Variants in SUGCT observed in about 807,000 individuals in gnomAD.
SUGCT encodes the protein succinyl-CoA:glutarate CoA-transferase.
A neutral mutation model predicts 55.0 loss-of-function variants in SUGCT; 41 were observed. The ratio of observed to expected loss-of-function variants is 0.74; its 90% CI spans 0.58 to 0.97. The LOEUF is 0.97. Among genes scored for constraint, SUGCT ranks in the 50% least tolerant of loss-of-function variants. The pLI is 0.00. For missense variants in SUGCT, 568 were observed against 547.8 expected, an observed-to-expected ratio of 1.04 and a Z score of -0.37; for synonymous variants, 187 against 200.4, an observed-to-expected ratio of 0.93 and a Z score of 0.56.
the SUGCT span, among the ~76,000 whole-genome samples, chr7:40,950,689 G>A: frequency 1.1e-4 from 16 of 152,224 alleles, no homozygotes; most frequent in African/African-American, 3.9e-4. Flanking sequence ...TTCGTCAAAG[G>A]CCTTTTCTGT....
At chr7:40,363,242 G>T (rs1194829534) in intron 9 of SUGCT, among the ~76,000 whole-genome samples, 1 of 151,218 alleles carries the variant, frequency 6.6e-6, no homozygotes, top group Non-Finnish European at 1.5e-5. Flanking sequence ...TATCAATTTT[G>T]TTGATCCTTT....
intron 1 of SUGCT, among the ~76,000 whole-genome samples, chr7:40,173,913 C>CTGTGTG (rs34789334): frequency 1.8e-3 from 255 of 144,008 alleles, no homozygotes; most frequent in African/African-American, 3.0e-3. Context: ...AATGTATATC[C>CTGTGTG]TGTGTGTGTG....
At chr7:40,868,771 T>G in the SUGCT span, among the ~76,000 whole-genome samples, 1 of 152,176 alleles carries the variant, frequency 6.6e-6, no homozygotes, top group African/African-American at 2.4e-5. Flanking sequence ...AGTCTCAAAA[T>G]TCCTGGCCTC....
chr7:40,291,461 C>A, intron 8 of SUGCT, among the ~76,000 whole-genome samples: 1 of 131,610 alleles, frequency 7.6e-6, no homozygotes, highest in Non-Finnish European at 1.5e-5. Context: ...ACAATGAGAA[C>A]ACATGGACAC....
At chr7:40,977,413 G>A in the SUGCT span, among the ~76,000 whole-genome samples, 1 of 152,328 alleles carries the variant, frequency 6.6e-6, no homozygotes, top group Non-Finnish European at 1.5e-5. Context: ...TCCCTTGGGG[G>A]TAGATTATTT....
intron 12 of SUGCT, among the ~76,000 whole-genome samples, chr7:40,618,446 T>C (rs1799113341): frequency 6.6e-6 from 1 of 152,194 alleles, no homozygotes; most frequent in Non-Finnish European, 1.5e-5. Flanking sequence ...GTGGTACCCA[T>C]ACTACTGTCC....
At chr7:40,858,233 G>A (rs1047606050) in intron 13 of SUGCT, among the ~76,000 whole-genome samples, 15 of 151,798 alleles carry the variant, frequency 9.9e-5, no homozygotes, top group Non-Finnish European at 1.8e-4. Flanking sequence ...GAGAAACCCC[G>A]TCTCTACTAA....
chr7:40,696,770 GCA>G (rs1784953497), intron 12 of SUGCT, among the ~76,000 whole-genome samples: 1 of 152,098 alleles, frequency 6.6e-6, no homozygotes, highest in Non-Finnish European at 1.5e-5. Flanking sequence ...TGAGGGGAAA[GCA>G]CACTACAGTT....
At chr7:40,804,460 T>C (rs1790983700) in intron 13 of SUGCT, among the ~76,000 whole-genome samples, 1 of 152,070 alleles carries the variant, frequency 6.6e-6, no homozygotes, top group African/African-American at 2.4e-5. Flanking sequence ...GGAGGAATCA[T>C]GGGGATGCCA....
chr7:40,222,998 C>A (rs1447964022), intron 6 of SUGCT, among the ~76,000 whole-genome samples: 1 of 118,952 alleles, frequency 8.4e-6, no homozygotes, highest in Non-Finnish European at 1.7e-5. Context: ...TCCTTCCTTC[C>A]TTCCTTCCTT....
At chr7:40,801,532 C>T (rs865916665) in intron 13 of SUGCT, among the ~76,000 whole-genome samples, 10 of 152,012 alleles carry the variant, frequency 6.6e-5, no homozygotes, top group African/African-American at 1.9e-4. Context: ...GTAGATTTCA[C>T]GTGGACAATG....
chr7:40,396,449 G>A (rs1025722420), intron 9 of SUGCT, among the ~76,000 whole-genome samples: 2 of 152,144 alleles, frequency 1.3e-5, no homozygotes, highest in Admixed American at 1.3e-4. Context: ...GTAGGCTGAC[G>A]AAACAACCTT....
chr7:40,821,148 C>T (rs1281291636), intron 13 of SUGCT, among the ~76,000 whole-genome samples: 1 of 152,172 alleles, frequency 6.6e-6, no homozygotes, highest in Non-Finnish European at 1.5e-5. Context: ...TTTTGATGTG[C>T]TGCTGGATTC....
At chr7:40,337,819 A>G (rs958131408) in intron 9 of SUGCT, among the ~76,000 whole-genome samples, 11 of 151,914 alleles carry the variant, frequency 7.2e-5, no homozygotes, top group African/African-American at 2.4e-4. Flanking sequence ...TTTGCTCATT[A>G]GTTGATGCAG....
the SUGCT span, among the ~76,000 whole-genome samples, chr7:40,969,033 A>G: frequency 6.6e-6 from 1 of 152,218 alleles, no homozygotes; most frequent in African/African-American, 2.4e-5. Context: ...CGGCCCCACG[A>G]GGCCAACTCA....
intron 12 of SUGCT, among the ~76,000 whole-genome samples, chr7:40,689,446 C>T (rs1199454897): frequency 6.6e-6 from 1 of 152,142 alleles, no homozygotes; most frequent in African/African-American, 2.4e-5. Flanking sequence ...AGAGGATTAT[C>T]GTGGGTAATT....
At chr7:40,486,332 T>G (rs1318141436) in intron 11 of SUGCT, among the ~76,000 whole-genome samples, 4 of 152,170 alleles carry the variant, frequency 2.6e-5, no homozygotes, top group Admixed American at 1.3e-4. Flanking sequence ...TTTTTAAATG[T>G]TTTTGGATTT....
chr7:40,461,646 A>T (rs946708063), intron 11 of SUGCT, among the ~76,000 whole-genome samples: 1 of 152,180 alleles, frequency 6.6e-6, no homozygotes, highest in African/African-American at 2.4e-5. Context: ...ATTATGAATG[A>T]TACTGCTCTA....
At chr7:40,872,850 C>G in the SUGCT span, among the ~76,000 whole-genome samples, 1 of 152,278 alleles carries the variant, frequency 6.6e-6, no homozygotes, top group East Asian at 1.9e-4. Context: ...TCATACCTTC[C>G]TTGGCACACC....
Sources: allele counts gnomAD v4.1 joint callset (sites outside exome capture counted in the v4.1 genomes callset), GRCh38; gene constraint gnomAD v4.1.1; transcripts MANE v1.5; gene names NCBI Gene and HGNC (gene_info 2026-07-23, HGNC 2026-07-21).